The following MEF2A variants were observed in gnomAD, a reference collection of about 807,000 sequenced individuals.
MEF2A encodes myocyte enhancer factor 2A.
In MEF2A, 28 loss-of-function variants were observed where a neutral mutation model predicts 55.8. The observed-to-expected ratio is 0.50, with a 90% CI of 0.37 to 0.69. The LOEUF is 0.69. MEF2A is among the 30% of genes least tolerant of loss of function. MEF2A has a pLI of 0.00. For synonymous variants in MEF2A, 239 were observed against 227.1 expected (o/e 1.05, Z -0.47); for missense variants, 528 against 626.2 (o/e 0.84, Z 1.67).
At chr15:99,657,312 TAAAAA>T in intron 4 of MEF2A, 1 of 147,696 alleles carries the variant, frequency 6.8e-6, no homozygotes, top group East Asian at 2.0e-4. Context: ...ACATCTAACT[TAAAAA>T]AAAAAATAGC....
chr15:99,709,546 G>A (rs192369112), intron 10 of MEF2A, among the ~76,000 whole-genome samples: 26 of 152,334 alleles, frequency 1.7e-4, no homozygotes, highest in Admixed American at 5.2e-4. Flanking sequence ...ACAGCCCTGA[G>A]CACCAGCTGT....
Position 99,620,803 on chromosome 15 carries a change from A to G in MEF2A, c.-142-12175A>G, listed in dbSNP as rs1034963022. On this transcript the variant is annotated intron_variant, in intron 2 of 11. Transcript: ENST00000557942. ...AAACTAATTTACATTCTCAGCAACAATGTGTAAATATTCCCCTTGCTCTGT... is the reference window on the plus strand; with the variant it reads ...AAACTAATTTACATTCTCAGCAACAGTGTGTAAATATTCCCCTTGCTCTGT... The G allele has an allele frequency of 2.0e-5, 3 of 151,272 alleles. No homozygotes were observed. The East Asian group carries it at 5.8e-4, about 29-fold the overall frequency. 9.4% of individuals were successfully genotyped at this position (151,272 alleles called of 1,614,324 possible).
At chr15:99,588,543 C>T (rs1016313967) in intron 1 of MEF2A, among the ~76,000 whole-genome samples, 3 of 151,828 alleles carry the variant, frequency 2.0e-5, no homozygotes, top group African/African-American at 7.3e-5. Context: ...TGAGCTCAGG[C>T]AATCTGGCCA....
At position 99,714,813 on chromosome 15, in the gene MEF2A, C is replaced by CACT. The variant is rs1356648057; in HGVS notation, c.*2042_*2043insACT. The CACT allele has an allele frequency of 2.8e-4, 1 of 3,566 alleles. No individual in the cohort carries two copies. Among genetic ancestry groups the CACT allele is most frequent in the African/African-American group, 7.8e-4 (1 of 1,286 alleles). 0.2% of individuals were successfully genotyped at this position (3,566 alleles called of 1,614,324 possible). On this transcript the variant is annotated 3_prime_UTR_variant, in exon 12 of 12. Coordinates refer to ENST00000557942, the MANE Select transcript of MEF2A (RefSeq NM_001319206.4). ...GTACATTTTGTTCCCCCCCCCCCAC[C>CACT]CCCCCCCCAAATTACGTTCCTTTTG... is the stretch of plus-strand genomic sequence containing the variant.
At chr15:99,607,234 G>A (rs535121430) in intron 2 of MEF2A, among the ~76,000 whole-genome samples, 1 of 152,176 alleles carries the variant, frequency 6.6e-6, no homozygotes, top group Non-Finnish European at 1.5e-5. Flanking sequence ...TGACTTCTAG[G>A]TGTGGTGGAG....
intron 1 of MEF2A, among the ~76,000 whole-genome samples, chr15:99,592,334 C>T (rs1447461265): frequency 6.6e-6 from 1 of 151,914 alleles, no homozygotes; most frequent in Non-Finnish European, 1.5e-5. Flanking sequence ...TTTGCCTGGC[C>T]TTGTGAATTT....
chr15:99,584,103 C>A (rs945576686), intron 1 of MEF2A, among the ~76,000 whole-genome samples: 1 of 151,968 alleles, frequency 6.6e-6, no homozygotes, highest in African/African-American at 2.4e-5. Context: ...GGAAAGGGTA[C>A]AGTAAAAATA....
intron 1 of MEF2A, among the ~76,000 whole-genome samples, chr15:99,577,675 G>C (rs1033587313): frequency 1.4e-5 from 2 of 139,142 alleles, no homozygotes; most frequent in African/African-American, 6.8e-5. Context: ...TCTTCTAATG[G>C]TGTTTATCTG....
intron 1 of MEF2A, among the ~76,000 whole-genome samples, chr15:99,571,747 T>C (rs926418145): frequency 6.6e-6 from 1 of 152,066 alleles, no homozygotes; most frequent in African/African-American, 2.4e-5. Context: ...TTCCTACCCC[T>C]AAACCCTGGT....
chr15:99,657,492 G>A (rs1235472034), intron 4 of MEF2A: 3 of 151,866 alleles, frequency 2.0e-5, no homozygotes, highest in South Asian at 2.1e-4. Context: ...ACTTTTTTAC[G>A]TTATCAAAGA....
chr15:99,687,952 G>T (rs1476770358), intron 7 of MEF2A, among the ~76,000 whole-genome samples: 1 of 152,124 alleles, frequency 6.6e-6, no homozygotes, highest in East Asian at 1.9e-4. Flanking sequence ...TTAGGCAGTT[G>T]CTAGTCTTAA....
intron 4 of MEF2A, among the ~76,000 whole-genome samples, chr15:99,658,366 G>A (rs1367715682): frequency 6.6e-6 from 1 of 152,056 alleles, no homozygotes; most frequent in Non-Finnish European, 1.5e-5. Flanking sequence ...AAAGATAGAA[G>A]AAATTATCTA....
At chr15:99,703,895 CTG>C (rs1312850597) in intron 9 of MEF2A, among the ~76,000 whole-genome samples, 1 of 152,174 alleles carries the variant, frequency 6.6e-6, no homozygotes, top group Non-Finnish European at 1.5e-5. Flanking sequence ...AAAGGAATGT[CTG>C]TAATTGAATG....
At position 99,715,353 on chromosome 15, in the gene MEF2A, T is replaced by C. The variant is rs2059052586; in HGVS notation, c.*2582T>C. ...TTTCTGACTGTATCTCAATAGTCTT[T>C]CTTTCTATGCAGGTTTATAATCAGT... On this transcript the variant is annotated 3_prime_UTR_variant, in exon 12 of 12. Coordinates refer to ENST00000557942, the MANE Select transcript of MEF2A (RefSeq NM_001319206.4). The C allele has an allele frequency of 7.2e-5, 11 of 152,366 alleles. No individual in the cohort carries two copies. In the South Asian group the frequency reaches 2.3e-3, roughly 32 times the overall value. The allele number at this position is 152,366 out of a possible 1,614,324, so 9.4% of individuals were successfully genotyped here. A position where few individuals can be genotyped will look rare whatever the true frequency, so the allele number is the denominator to read the frequency against.
At chr15:99,681,701 G>A (rs1205844345) in intron 7 of MEF2A, 7 of 152,162 alleles carry the variant, frequency 4.6e-5, no homozygotes, top group African/African-American at 1.4e-4. Flanking sequence ...GATCCATGTT[G>A]TCCATCTTAC....
At chr15:99,623,019 A>T (rs1229092077) in intron 2 of MEF2A, among the ~76,000 whole-genome samples, 1 of 152,132 alleles carries the variant, frequency 6.6e-6, no homozygotes, top group South Asian at 2.1e-4. Flanking sequence ...TCATCTTCTC[A>T]AACTGAAACT....
intron 2 of MEF2A, among the ~76,000 whole-genome samples, chr15:99,603,505 TG>T (rs1974021433): frequency 6.6e-6 from 1 of 150,856 alleles, no homozygotes; most frequent in Non-Finnish European, 1.5e-5. Flanking sequence ...CCTGATTAGC[TG>T]GGACTGTAGG....
rs1468219966 is a variant in MEF2A, at chr15:99,716,229, G to A, written c.*3458G>A. On this transcript the variant is annotated 3_prime_UTR_variant, in exon 12 of 12. Coordinates refer to ENST00000557942, the MANE Select transcript of MEF2A (RefSeq NM_001319206.4). Reference sequence around the variant, plus strand: ...ATTTGGTAAATGTTTGTAGTCAACAGTTCACACAAGAAGCTGTACACGGTT... The same window carrying A: ...ATTTGGTAAATGTTTGTAGTCAACAATTCACACAAGAAGCTGTACACGGTT... 3.8e-6 allele frequency: 1 copy of A among 263,350 alleles called. No individual in the cohort carries two copies. Among genetic ancestry groups the A allele is most frequent in the South Asian group, 4.1e-5 (1 of 24,598 alleles). The allele number at this position is 263,350 out of a possible 1,614,324, so 16.3% of individuals were successfully genotyped here.
At chr15:99,584,117 T>C (rs973555071) in intron 1 of MEF2A, among the ~76,000 whole-genome samples, 26 of 152,110 alleles carry the variant, frequency 1.7e-4, no homozygotes, top group Admixed American at 6.6e-5. Context: ...AAAAATATGG[T>C]ATAAAAGATA....
Sources: allele counts gnomAD v4.1 joint callset (sites outside exome capture counted in the v4.1 genomes callset), GRCh38; gene constraint gnomAD v4.1.1; transcripts MANE v1.5; gene names NCBI Gene and HGNC (gene_info 2026-07-23, HGNC 2026-07-21).